DPH6: variants seen among roughly 807,000 people sequenced by gnomAD.
DPH6 encodes diphthine--ammonia ligase.
A neutral mutation model predicts 38.2 loss-of-function variants in DPH6; 33 were observed. The observed-to-expected ratio is 0.86, with a 90% CI of 0.65 to 1.15. The LOEUF (loss-of-function observed/expected upper bound fraction) is 1.15. Ranked by LOEUF, DPH6 falls within the 50% of genes most tolerant of loss-of-function variation. DPH6 has a pLI of 0.00. For missense variants in DPH6, 325 were observed against 320.0 expected (o/e 1.02, Z -0.12); for synonymous variants, 108 against 103.0 (o/e 1.05, Z -0.30).
the DPH6 span, among the ~76,000 whole-genome samples, chr15:35,205,780 TAAC>T: frequency 6.6e-6 from 1 of 152,080 alleles, no homozygotes; most frequent in Non-Finnish European, 1.5e-5. Context: ...ATGAAGGTAA[TAAC>T]AAATTTATAA....
intron 3 of DPH6, among the ~76,000 whole-genome samples, chr15:35,524,441 C>A (rs962784250): frequency 6.6e-6 from 1 of 152,114 alleles, no homozygotes; most frequent in Admixed American, 6.5e-5. Flanking sequence ...AAACCATATG[C>A]CTTCCCCTCC....
chr15:35,445,468 G>C (rs1335368674), intron 5 of DPH6, among the ~76,000 whole-genome samples: 3 of 149,878 alleles, frequency 2.0e-5, no homozygotes, highest in Non-Finnish European at 4.4e-5. Flanking sequence ...GAACTGCCTG[G>C]ATCCACTTAT....
intron 3 of DPH6, chr15:35,522,277 C>T: frequency 6.2e-7 from 1 of 1,612,238 alleles, no homozygotes; most frequent in Non-Finnish European, 8.5e-7. Flanking sequence ...TCTAGTGATG[C>T]CCTGGAAATG....
At chr15:35,235,623 C>CA (rs1322480598) in intron 3 of DPH6, among the ~76,000 whole-genome samples, 1 of 152,152 alleles carries the variant, frequency 6.6e-6, no homozygotes, top group Non-Finnish European at 1.5e-5. Context: ...CTCTTCCTAC[C>CA]AAAAATTCAG....
chr15:35,315,609 T>TAG (rs1243538660), intron 3 of DPH6, among the ~76,000 whole-genome samples: 1 of 152,058 alleles, frequency 6.6e-6, no homozygotes, highest in Non-Finnish European at 1.5e-5. Context: ...ATTAGCAGAG[T>TAG]GACTATGGAG....
the DPH6 span, among the ~76,000 whole-genome samples, chr15:35,191,160 T>C: frequency 4.0e-3 from 605 of 152,310 alleles, 3 homozygotes; most frequent in African/African-American, 0.014. Context: ...AACAGAAATA[T>C]AGATTCAATG....
At chr15:35,545,564 A>T (rs1218174383) in intron 1 of DPH6, among the ~76,000 whole-genome samples, 6 of 152,314 alleles carry the variant, frequency 3.9e-5, no homozygotes, top group African/African-American at 1.4e-4. Flanking sequence ...AGCAATCCAC[A>T]TCTGTGAAGA....
intron 3 of DPH6, among the ~76,000 whole-genome samples, chr15:35,336,085 T>C (rs1179545283): frequency 6.6e-6 from 1 of 152,204 alleles, no homozygotes; most frequent in African/African-American, 2.4e-5. Context: ...CTTGAAGAGA[T>C]TCTTCACTTC....
At position 35,227,994 on chromosome 15, in the gene DPH6, A is replaced by G. The variant is rs146085683; in HGVS notation, n.201-7412T>C. ...ATTGTGGTCACAGAAGATGCTTGCTATTTTTTCAATTTTTTGAATGTTTTA... is the reference window on the plus strand; with the variant it reads ...ATTGTGGTCACAGAAGATGCTTGCTGTTTTTTCAATTTTTTGAATGTTTTA... On this transcript the variant is annotated intron_variant and non_coding_transcript_variant, in intron 3 of 3. Coordinates refer to the DPH6 transcript ENST00000560386. Among the ~76,000 whole-genome samples the G allele has an allele frequency of 1.8e-4, 27 of 152,074 alleles. 1 individual carries two copies. In the East Asian group the frequency reaches 5.2e-3, roughly 29 times the overall value.
chr15:35,429,176 T>C (rs902517907), intron 5 of DPH6, among the ~76,000 whole-genome samples: 3 of 152,168 alleles, frequency 2.0e-5, no homozygotes, highest in African/African-American at 4.8e-5. Flanking sequence ...TAGAACCCCT[T>C]AGATCTCCTT....
intron 5 of DPH6, among the ~76,000 whole-genome samples, chr15:35,436,846 C>T (rs1651865940): frequency 6.7e-6 from 1 of 150,344 alleles, no homozygotes; most frequent in African/African-American, 2.5e-5. Flanking sequence ...TTTTACTAGG[C>T]CAGGACACCC....
intron 3 of DPH6, among the ~76,000 whole-genome samples, chr15:35,310,138 T>C (rs1477732663): frequency 6.6e-6 from 1 of 152,194 alleles, no homozygotes; most frequent in African/African-American, 2.4e-5. Flanking sequence ...ACCACTTAAT[T>C]TTGTAGCCCA....
chr15:35,154,695 A>G, the DPH6 span, among the ~76,000 whole-genome samples: 1 of 152,220 alleles, frequency 6.6e-6, no homozygotes, highest in African/African-American at 2.4e-5. Context: ...GACTGAAAGG[A>G]ACACTAATAA....
chr15:35,238,437 A>T (rs1317478533), intron 3 of DPH6, among the ~76,000 whole-genome samples: 1 of 152,180 alleles, frequency 6.6e-6, no homozygotes, highest in East Asian at 1.9e-4. Context: ...TTAATTAGCT[A>T]TGCAAATAGT....
intron 1 of DPH6, among the ~76,000 whole-genome samples, chr15:35,542,945 AATATATATAT>A (rs67141062): frequency 3.3e-5 from 1 of 30,226 alleles, no homozygotes; most frequent in Non-Finnish European, 7.6e-5. Context: ...CCACTTAAGG[AATATATATAT>A]ATATATATAT....
At chr15:35,421,773 A>G (rs894097000) in intron 5 of DPH6, among the ~76,000 whole-genome samples, 3 of 152,116 alleles carry the variant, frequency 2.0e-5, no homozygotes, top group Non-Finnish European at 4.4e-5. Flanking sequence ...CTTGAAAGTA[A>G]GGTCACAAAG....
At chr15:35,318,799 G>A (rs2052215322) in intron 3 of DPH6, among the ~76,000 whole-genome samples, 1 of 151,992 alleles carries the variant, frequency 6.6e-6, no homozygotes. Flanking sequence ...TTTAAAAAAT[G>A]TGTATAATGT....
chr15:35,487,251 C>T (rs1215802911), intron 3 of DPH6, among the ~76,000 whole-genome samples: 2 of 152,238 alleles, frequency 1.3e-5, no homozygotes, highest in African/African-American at 4.8e-5. Flanking sequence ...CTCCACTAGG[C>T]AGTGCCCCAG....
At position 35,384,279 on chromosome 15, in the gene DPH6, T is replaced by A. The variant is rs8037232; in HGVS notation, c.568-2363A>T. ...ATTTTTGAAAAGTTTAATTTCTCAA[T>A]GAATTTTCATGATTCTTTTCATAAT... On this transcript the variant is annotated intron_variant, in intron 6 of 8. Coordinates refer to ENST00000256538, the MANE Select transcript of DPH6 (RefSeq NM_080650.4). 7.0e-3 allele frequency among the ~76,000 whole-genome samples: 1,059 copies of A among 152,350 alleles called. 15 individuals carry two copies. Among genetic ancestry groups the A allele is most frequent in the African/African-American group, 0.024 (988 of 41,582 alleles).
Sources: gnomAD v4.1 joint callset for allele counts (sites outside exome capture counted in the v4.1 genomes callset) on GRCh38, gnomAD v4.1.1 for gene constraint, MANE v1.5 for transcripts, NCBI Gene and HGNC (gene_info 2026-07-23, HGNC 2026-07-21) for gene names.